Variants in TMEFF2 observed in about 807,000 individuals in gnomAD.
TMEFF2 encodes transmembrane protein with EGF like and two follistatin like domains 2.
Under a neutral mutation model 53.8 loss-of-function variants are expected in TMEFF2, and 28 were observed. That is an observed-to-expected ratio of 0.52 (90% CI 0.39 to 0.71). The LOEUF (loss-of-function observed/expected upper bound fraction) is 0.71. Ranked by LOEUF, TMEFF2 falls within the 30% of genes least tolerant of loss-of-function variation. TMEFF2 has a pLI of 0.00. For missense variants in TMEFF2, 353 were observed against 455.2 expected, an observed-to-expected ratio of 0.78 and a Z score of 2.04; for synonymous variants, 162 against 166.3, an observed-to-expected ratio of 0.97 and a Z score of 0.20.
intron 4 of TMEFF2, among the ~76,000 whole-genome samples, chr2:192,090,610 T>C (rs747461966): frequency 6.6e-6 from 1 of 152,162 alleles, no homozygotes; most frequent in African/African-American, 2.4e-5. Context: ...AAAGGAATCA[T>C]GGAAATCTGA....
intron 5 of TMEFF2, among the ~76,000 whole-genome samples, chr2:192,053,893 A>G (rs373496423): frequency 1.2e-4 from 19 of 152,186 alleles, no homozygotes; most frequent in African/African-American, 4.3e-4. Flanking sequence ...CCATGACTAA[A>G]TACAATATGT....
At chr2:192,091,553 C>A (rs1688790412) in intron 4 of TMEFF2, among the ~76,000 whole-genome samples, 1 of 152,118 alleles carries the variant, frequency 6.6e-6, no homozygotes, top group South Asian at 2.1e-4. Context: ...TTAAATTAAA[C>A]CCTTATTTTA....
At position 192,058,724 on chromosome 2, in the gene TMEFF2, GATAAT is replaced by G. The variant is rs548651902; in HGVS notation, c.440-954_440-950del. On this transcript the variant is annotated intron_variant, in intron 4 of 9. Transcript: ENST00000272771. ...ATTACAATCAACTAACTACCGCATA[GATAAT>G]ATAATTCCATACACAGATCATATAC... Among the ~76,000 whole-genome samples, 314 of 152,230 alleles carry G rather than the reference GATAAT, an allele frequency of 2.1e-3. 1 individual carries two copies. The highest frequency in any genetic ancestry group is 3.8e-3 in the Non-Finnish European group (257 of 67,972).
intron 5 of TMEFF2, among the ~76,000 whole-genome samples, chr2:192,020,786 A>G (rs1686842149): frequency 6.6e-6 from 1 of 152,174 alleles, no homozygotes; most frequent in Admixed American, 6.5e-5. Flanking sequence ...ATAATAGTAA[A>G]AGCATTCCAT....
intron 7 of TMEFF2, among the ~76,000 whole-genome samples, chr2:191,969,141 ATG>A (rs71405031): frequency 6.7e-6 from 1 of 150,208 alleles, no homozygotes; most frequent in East Asian, 2.0e-4. Flanking sequence ...GTGTGTATCT[ATG>A]TGTGTGTGTG....
chr2:192,156,724 G>A (rs924363642), intron 4 of TMEFF2, among the ~76,000 whole-genome samples: 1 of 151,864 alleles, frequency 6.6e-6, no homozygotes, highest in East Asian at 1.9e-4. Context: ...CGAATTTGGC[G>A]GTTATAAAAT....
chr2:192,157,982 C>G (rs1476373930), intron 4 of TMEFF2, among the ~76,000 whole-genome samples: 1 of 151,958 alleles, frequency 6.6e-6, no homozygotes, highest in East Asian at 1.9e-4. Flanking sequence ...AAGTTCTTAC[C>G]TGTTTTAGTC....
chr2:191,995,944 T>G (rs2105831765), intron 7 of TMEFF2, among the ~76,000 whole-genome samples: 1 of 152,044 alleles, frequency 6.6e-6, no homozygotes, highest in East Asian at 1.9e-4. Context: ...TGGACTACAA[T>G]GAGTGACAGA....
At chr2:191,954,905 A>C (rs921020901) in intron 8 of TMEFF2, among the ~76,000 whole-genome samples, 1 of 152,156 alleles carries the variant, frequency 6.6e-6, no homozygotes, top group African/African-American at 2.4e-5. Flanking sequence ...TCAACATATC[A>C]TTGATTTTGT....
chr2:192,038,103 CA>C (rs1450469380), intron 5 of TMEFF2: 1 of 152,172 alleles, frequency 6.6e-6, no homozygotes, highest in African/African-American at 2.4e-5. Flanking sequence ...TCTGTTTCTT[CA>C]AGAAACTTCT....
chr2:192,140,167 G>T (rs1690103454), intron 4 of TMEFF2, among the ~76,000 whole-genome samples: 1 of 152,168 alleles, frequency 6.6e-6, no homozygotes, highest in Admixed American at 6.5e-5. Flanking sequence ...ATTTAACTGA[G>T]ATAAATGAAA....
rs1688397400 is a variant in TMEFF2, at chr2:192,075,310, T to TATATAAATATAA, written c.440-17536_440-17535insTTATATTTATAT. 2.0e-4 allele frequency among the ~76,000 whole-genome samples: 15 copies of TATATAAATATAA among 74,900 alleles called. 1 individual carries two copies. Among genetic ancestry groups the TATATAAATATAA allele is most frequent in the South Asian group, 1.6e-3 (4 of 2,546 alleles). The allele number at this position is 74,900 out of a possible 152,430, so 49.1% of individuals were successfully genotyped here. A position where few individuals can be genotyped will look rare whatever the true frequency, so the allele number is the denominator to read the frequency against. On this transcript the variant is annotated intron_variant, in intron 4 of 9. Transcript: ENST00000272771. ...TTATATATATATATATATATATATA[T>TATATAAATATAA]ATATATATATATATATATATATACA...
At chr2:192,031,185 A>T (rs1687126141) in intron 5 of TMEFF2, 1 of 152,216 alleles carries the variant, frequency 6.6e-6, no homozygotes, top group Non-Finnish European at 1.5e-5. Flanking sequence ...AATATATCCT[A>T]ATAAGTCCTG....
chr2:192,123,490 T>C (rs952158130), intron 4 of TMEFF2, among the ~76,000 whole-genome samples: 1 of 152,134 alleles, frequency 6.6e-6, no homozygotes, highest in Admixed American at 6.5e-5. Flanking sequence ...CATAGTGTAG[T>C]CTGCAGTGTC....
chr2:192,113,721 A>G (rs759148612), intron 4 of TMEFF2, among the ~76,000 whole-genome samples: 2 of 152,182 alleles, frequency 1.3e-5, no homozygotes, highest in Non-Finnish European at 2.9e-5. Context: ...AAAAGTTCTC[A>G]AACAGTGAGT....
At position 192,182,527 on chromosome 2, in the gene TMEFF2, C is replaced by A. The variant is rs1240389645; in HGVS notation, c.412+1827G>T. ...TAAGTATTTATTTTCATAGTATAAC[C>A]AGCACATCAGGGACTAGAATGGAAA... On this transcript the variant is annotated intron_variant, in intron 3 of 9. Coordinates refer to ENST00000272771, the MANE Select transcript of TMEFF2 (RefSeq NM_016192.4). Among the ~76,000 whole-genome samples, 4 of 151,904 alleles carry A rather than the reference C, an allele frequency of 2.6e-5. No homozygotes were observed. In the East Asian group the frequency reaches 7.7e-4, roughly 29 times the overall value.
At chr2:192,164,574 A>C (rs1018122813) in intron 4 of TMEFF2, among the ~76,000 whole-genome samples, 1 of 152,042 alleles carries the variant, frequency 6.6e-6, no homozygotes, top group African/African-American at 2.4e-5. Context: ...CTAAAAATAC[A>C]AAAATTAGCT....
At chr2:192,093,546 T>C (rs150277140) in intron 4 of TMEFF2, among the ~76,000 whole-genome samples, 4 of 152,272 alleles carry the variant, frequency 2.6e-5, no homozygotes, top group Non-Finnish European at 5.9e-5. Context: ...AACATTTGGA[T>C]GCAAGTGCCA....
At chr2:192,022,333 AGTTTGTCCTTGCATGTTCTG>A (rs1253220519) in intron 5 of TMEFF2, among the ~76,000 whole-genome samples, 2 of 152,328 alleles carry the variant, frequency 1.3e-5, no homozygotes, top group African/African-American at 4.8e-5. Context: ...TATGTGGTCC[AGTTTGTCCTTGCATGTTCTG>A]GTTTGTCCTT....
Sources: gnomAD v4.1 joint callset for allele counts (sites outside exome capture counted in the v4.1 genomes callset) on GRCh38, gnomAD v4.1.1 for gene constraint, MANE v1.5 for transcripts, NCBI Gene and HGNC (gene_info 2026-07-23, HGNC 2026-07-21) for gene names.